The following RFTN2 variants were observed in gnomAD, a reference collection of about 807,000 sequenced individuals.
RFTN2 encodes raftlin-2.
Under a neutral mutation model 52.7 loss-of-function variants are expected in RFTN2, and 34 were observed. The observed-to-expected ratio is 0.64, with a 90% CI of 0.49 to 0.86. RFTN2 has a LOEUF of 0.86. RFTN2 is among the 40% of genes least tolerant of loss of function. The pLI is 0.00. For missense variants in RFTN2, 536 were observed against 600.1 expected, an observed-to-expected ratio of 0.89 and a Z score of 1.12; for synonymous variants, 203 against 217.7, an observed-to-expected ratio of 0.93 and a Z score of 0.59.
At chr2:197,618,023 C>G in intron 5 of RFTN2, 102 bp from the exon 6 acceptor site, 1 of 950,038 alleles carries the variant, frequency 1.1e-6, no homozygotes, top group Non-Finnish European at 1.4e-6. Flanking sequence ...GAAGGAAAAA[C>G]ATTTCAATTA....
chr2:197,617,857 TG>T lies in RFTN2; in HGVS notation c.992del (p.Pro331GlnfsTer12), dbSNP rs746711513. 6.2e-7 allele frequency: 1 copy of T among 1,608,778 alleles called. No homozygotes were observed. The highest frequency in any genetic ancestry group is 1.1e-5 in the South Asian group (1 of 90,934). On this transcript the variant is annotated frameshift_variant, in exon 6 of 9. Coordinates refer to ENST00000295049, the MANE Select transcript of RFTN2 (RefSeq NM_144629.3). LOFTEE classifies it high-confidence loss of function. ...FIYEEEGSGV[P>X]GSSRKGNDAI... ...CATCATTTCCTTTCCTACTAGAACC[TG>T]GAACTCCAGAACCTTCTTCTTCATA... is the stretch of plus-strand genomic sequence containing the variant.
At chr2:197,601,928 T>C (rs1361646414) in intron 7 of RFTN2, among the ~76,000 whole-genome samples, 2 of 152,150 alleles carry the variant, frequency 1.3e-5, no homozygotes, top group Non-Finnish European at 2.9e-5. Flanking sequence ...AGATTAATCA[T>C]TGAAAGCTTT....
Position 197,590,997 on chromosome 2 carries a change from TG to T in RFTN2, c.1233+4993del, listed in dbSNP as rs549918078. Among the ~76,000 whole-genome samples, 1,354 of 152,346 alleles carry T rather than the reference TG, an allele frequency of 8.9e-3. 20 individuals are homozygous for T. The highest frequency in any genetic ancestry group is 0.028 in the African/African-American group (1,163 of 41,592). The stretch of plus-strand genomic sequence containing the variant: ...GGCAGCCTGCTTTTATTCTCTTATC[TG>T]GCCCCACCCACATCCTGCTGATTGG... On this transcript the variant is annotated intron_variant, in intron 8 of 8. Transcript: ENST00000295049.
chr2:197,628,574 A>G (rs2088407545), intron 5 of RFTN2, among the ~76,000 whole-genome samples: 1 of 151,838 alleles, frequency 6.6e-6, no homozygotes, highest in South Asian at 2.1e-4. Flanking sequence ...CCAAAATTTG[A>G]AATGGCTTCA....
chr2:197,626,394 T>C (rs1052730776), intron 5 of RFTN2, among the ~76,000 whole-genome samples: 15 of 151,736 alleles, frequency 9.9e-5, no homozygotes, highest in Admixed American at 1.3e-4. Context: ...AGCGAGACCA[T>C]GTCTACAAAA....
intron 8 of RFTN2, among the ~76,000 whole-genome samples, chr2:197,575,786 A>ATTATATATATTTTATATACATAAT (rs1272756727): frequency 9.1e-5 from 9 of 99,148 alleles, no homozygotes; most frequent in African/African-American, 2.6e-4. Flanking sequence ...TTCTATATAT[A>ATTATATATATTTTATATACATAAT]ATATATTATA....
In RFTN2 at chr2:197,596,039, T is replaced by A; in HGVS notation, c.1185A>T (p.Val395=). The A allele has an allele frequency of 1.9e-6, 3 of 1,611,908 alleles. No homozygotes were observed. The highest frequency in any genetic ancestry group is 2.5e-6 in the Non-Finnish European group (3 of 1,178,220). ...TCCACATAACTGGCCTCTGAAGGAA[T>A]ACGATCTGCTTTGTAGCCAAATTCC... The part of the protein sequence containing the change: ...SEGNLATKQI[V]FLQRPVMWNS... Residue 395 remains valine (V), a synonymous_variant, in exon 8 of 9, where the codon GTA becomes GTT. Coordinates refer to ENST00000295049, the MANE Select transcript of RFTN2 (RefSeq NM_144629.3).
intron 5 of RFTN2, among the ~76,000 whole-genome samples, chr2:197,628,504 G>A (rs989260804): frequency 3.7e-4 from 56 of 152,212 alleles, no homozygotes; most frequent in Non-Finnish European, 5.9e-5. Flanking sequence ...AGGCAGGGAT[G>A]CCTGAGAGAG....
At chr2:197,631,272 A>T in intron 4 of RFTN2, 52 bp from the exon 5 acceptor site, 1 of 1,352,434 alleles carries the variant, frequency 7.4e-7, no homozygotes, top group Non-Finnish European at 1.0e-6. Flanking sequence ...TGTTGATCAA[A>T]GATTCTTAAT....
At chr2:197,619,394 A>G (rs1255575451) in intron 5 of RFTN2, among the ~76,000 whole-genome samples, 3 of 152,226 alleles carry the variant, frequency 2.0e-5, no homozygotes, top group African/African-American at 7.2e-5. Flanking sequence ...TTTGTTCTGT[A>G]CTAAGAGAAA....
chr2:197,669,983 C>T (rs1054299464), intron 1 of RFTN2, among the ~76,000 whole-genome samples: 2 of 152,138 alleles, frequency 1.3e-5, no homozygotes, highest in Admixed American at 6.6e-5. Flanking sequence ...ACTATACTTC[C>T]GTTTGAGCAT....
At chr2:197,616,908 A>C (rs2088154449) in intron 6 of RFTN2, among the ~76,000 whole-genome samples, 1 of 152,182 alleles carries the variant, frequency 6.6e-6, no homozygotes, top group Admixed American at 6.5e-5. Context: ...AGTATCCCTG[A>C]AACAGCCTGT....
rs184413838 is a variant in RFTN2, at chr2:197,588,104, C to T, written c.1233+7887G>A. The T allele has an allele frequency of 8.4e-3, 3,627 of 432,464 alleles. 39 individuals carry two copies. The highest frequency in any genetic ancestry group is 0.02 in the Middle Eastern group (59 of 2,902). The allele number at this position is 432,464 out of a possible 1,614,324, so 26.8% of individuals were successfully genotyped here. On this transcript the variant is annotated intron_variant, in intron 8 of 8. Coordinates refer to ENST00000295049, the MANE Select transcript of RFTN2 (RefSeq NM_144629.3). ...TTCATTCAATCATAAAAATAACACACATTTAATATAGAAAATGTGACAAAA... is the reference window on the plus strand; with the variant it reads ...TTCATTCAATCATAAAAATAACACATATTTAATATAGAAAATGTGACAAAA...
At chr2:197,672,459 T>C (rs1327378182) in intron 1 of RFTN2, among the ~76,000 whole-genome samples, 1 of 152,212 alleles carries the variant, frequency 6.6e-6, no homozygotes, top group Non-Finnish European at 1.5e-5. Flanking sequence ...GGAATTATTT[T>C]AATGACCTCA....
At chr2:197,665,279 ATC>A (rs771497637) in intron 1 of RFTN2, among the ~76,000 whole-genome samples, 2 of 152,162 alleles carry the variant, frequency 1.3e-5, no homozygotes, top group African/African-American at 2.4e-5. Flanking sequence ...CAAAATTAAA[ATC>A]TATTGGTTTA....
intron 8 of RFTN2, among the ~76,000 whole-genome samples, 184 bp downstream of exon 8, chr2:197,595,807 C>T (rs1473608866): frequency 6.6e-6 from 1 of 152,194 alleles, no homozygotes; most frequent in Admixed American, 6.5e-5. Context: ...TTTGTGATGG[C>T]ATATTATAAT....
chr2:197,647,299 T>G (rs1400855722), intron 1 of RFTN2, among the ~76,000 whole-genome samples: 1 of 152,168 alleles, frequency 6.6e-6, no homozygotes, highest in Non-Finnish European at 1.5e-5. Context: ...CGTGGCTCTC[T>G]GTAGCCCCCA....
Position 197,618,090 on chromosome 2 carries a change from A to G in RFTN2, c.929-169T>C. On this transcript the variant is annotated intron_variant, in intron 5 of 8. Coordinates refer to ENST00000295049, the MANE Select transcript of RFTN2 (RefSeq NM_144629.3). ...TCTCCCTCTCCCTCTCCCTCTCCCC[A>G]CGGTCTCCCTCTCCCTCTCTTTCCA... is the stretch of plus-strand genomic sequence containing the variant. 3 of 199,760 alleles carry G rather than the reference A, an allele frequency of 1.5e-5. 1 individual carries two copies. Among genetic ancestry groups the G allele is most frequent in the South Asian group, 1.2e-4 (3 of 25,024 alleles). 12.4% of individuals were successfully genotyped at this position (199,760 alleles called of 1,614,324 possible). A position where few individuals can be genotyped will look rare whatever the true frequency, so the allele number is the denominator to read the frequency against.
chr2:197,614,312 T>C (rs1488514731), intron 7 of RFTN2, among the ~76,000 whole-genome samples: 1 of 152,148 alleles, frequency 6.6e-6, no homozygotes, highest in Admixed American at 6.6e-5. Context: ...AGAAGGAGCA[T>C]CTGAATGCTG....
Sources: allele counts gnomAD v4.1 joint callset (sites outside exome capture counted in the v4.1 genomes callset), GRCh38; gene constraint gnomAD v4.1.1; transcripts MANE v1.5; gene names NCBI Gene and HGNC (gene_info 2026-07-23, HGNC 2026-07-21).